Variants in ALPK1 observed in about 807,000 individuals in gnomAD.
ALPK1 encodes the protein alpha-protein kinase 1.
ALPK1 carries 110 observed loss-of-function variants against 120.6 expected under a neutral mutation model. That is an observed-to-expected ratio of 0.91 (90% CI 0.78 to 1.07). The LOEUF (loss-of-function observed/expected upper bound fraction) is 1.07, where lower values mean the gene tolerates loss of function less well. Ranked by LOEUF, ALPK1 falls within the 50% of genes least tolerant of loss-of-function variation. The pLI, the probability that ALPK1 is intolerant of heterozygous loss-of-function variation, is 0.00. For synonymous variants in ALPK1, 582 were observed against 560.3 expected (o/e 1.04, Z -0.55); for missense variants, 1,498 against 1,483.9 (o/e 1.01, Z -0.16).
chr4:112,352,517 C>T (rs1163825163), intron 2 of ALPK1: 1 of 152,220 alleles, frequency 6.6e-6, no homozygotes, highest in Non-Finnish European at 1.5e-5. Context: ...ATATAACCTA[C>T]ACATATTCTT....
chr4:112,414,241 A>T (rs1733628322), intron 5 of ALPK1: 1 of 485,148 alleles, frequency 2.1e-6, no homozygotes, highest in Non-Finnish European at 4.1e-6. Context: ...CATCTGATCC[A>T]GCGCTTCCTG....
At chr4:112,342,730 T>C (rs1209173691) in intron 2 of ALPK1, among the ~76,000 whole-genome samples, 1 of 152,212 alleles carries the variant, frequency 6.6e-6, no homozygotes, top group Non-Finnish European at 1.5e-5. Context: ...TTTCTATATG[T>C]CATGTACTTT....
chr4:112,352,438 G>T (rs910203111), intron 2 of ALPK1, among the ~76,000 whole-genome samples: 1 of 152,054 alleles, frequency 6.6e-6, no homozygotes, highest in Non-Finnish European at 1.5e-5. Flanking sequence ...TTGGTTCCAG[G>T]ATCTCCAGGA....
At chr4:112,336,694 G>C (rs954195529) in intron 2 of ALPK1, among the ~76,000 whole-genome samples, 12 of 152,100 alleles carry the variant, frequency 7.9e-5, no homozygotes, top group African/African-American at 2.7e-4. Context: ...GTCTTCTATA[G>C]TTATCTTTTT....
chr4:112,333,561 C>A (rs1729480039), intron 2 of ALPK1, among the ~76,000 whole-genome samples: 1 of 152,186 alleles, frequency 6.6e-6, no homozygotes, highest in Admixed American at 6.5e-5. Flanking sequence ...AGGTACCAGC[C>A]AACCAACTGA....
rs1372266951 is a variant in ALPK1, at chr4:112,435,284, A to T, written c.3171A>T (p.Gln1057His). The change falls in exon 12 of 16, where the codon CAA becomes CAT. Residue 1057 changes from glutamine to histidine, a missense_variant. By Grantham distance (24) the Gln-to-His change is conservative. Coordinates refer to ENST00000650871, the MANE Select transcript of ALPK1 (RefSeq NM_025144.4). ...RNAFWVHHLH[Q>H]EEILGRYVGK... ...CTTTTTGGGTTCATCATCTTCATCAAGAAGAAATTCTGGGGAGGTATTACT... is the reference window on the plus strand; with the variant it reads ...CTTTTTGGGTTCATCATCTTCATCATGAAGAAATTCTGGGGAGGTATTACT... The T allele has an allele frequency of 6.2e-7, 1 of 1,610,290 alleles. No individual in the cohort carries two copies. Among genetic ancestry groups the T allele is most frequent in the Non-Finnish European group, 8.5e-7 (1 of 1,179,104 alleles).
chr4:112,437,320 T>C (rs979555014), intron 12 of ALPK1, among the ~76,000 whole-genome samples: 2 of 152,094 alleles, frequency 1.3e-5, no homozygotes, highest in Non-Finnish European at 2.9e-5. Context: ...AAAATGACCA[T>C]GGCAGTTTAC....
At chr4:112,402,643 T>C (rs1445685417) in intron 4 of ALPK1, among the ~76,000 whole-genome samples, 1 of 152,180 alleles carries the variant, frequency 6.6e-6, no homozygotes, top group East Asian at 1.9e-4. Context: ...TCTGTGTACA[T>C]GTGTTTGTGA....
intron 1 of ALPK1, among the ~76,000 whole-genome samples, chr4:112,305,589 C>T (rs369961112): frequency 6.6e-6 from 1 of 151,894 alleles, no homozygotes; most frequent in African/African-American, 2.4e-5. Context: ...GTGATTTTTG[C>T]ACATTGATTT....
At chr4:112,364,626 T>C (rs918760326) in intron 2 of ALPK1, among the ~76,000 whole-genome samples, 2 of 152,074 alleles carry the variant, frequency 1.3e-5, no homozygotes, top group African/African-American at 4.8e-5. Flanking sequence ...CTATCAGACA[T>C]GCAAAGAAGA....
chr4:112,349,445 A>C (rs1560647689), intron 2 of ALPK1, among the ~76,000 whole-genome samples: 1 of 152,184 alleles, frequency 6.6e-6, no homozygotes, highest in Admixed American at 6.5e-5. Flanking sequence ...ATACCTATGA[A>C]GCACTCACTA....
At position 112,301,540 on chromosome 4, in the gene ALPK1, G is replaced by A. The variant is rs548766473; in HGVS notation, c.-153+4071G>A. Among the ~76,000 whole-genome samples, 5 of 152,112 alleles carry A rather than the reference G, an allele frequency of 3.3e-5. No homozygotes were observed. In the South Asian group the frequency reaches 1.0e-3, roughly 32 times the overall value. On this transcript the variant is annotated intron_variant, in intron 1 of 15. Coordinates refer to ENST00000650871, the MANE Select transcript of ALPK1 (RefSeq NM_025144.4). Reference sequence around the variant, plus strand: ...CTTTCTGCTCTTTCTAGCTCTCTGTGGGGTCTTCTTGGGGCACATCCCTTG... The same window carrying A: ...CTTTCTGCTCTTTCTAGCTCTCTGTAGGGTCTTCTTGGGGCACATCCCTTG...
chr4:112,417,704 T>G (rs1251342355), intron 5 of ALPK1, among the ~76,000 whole-genome samples: 2 of 152,194 alleles, frequency 1.3e-5, no homozygotes, highest in Admixed American at 1.3e-4. Flanking sequence ...CAGACTGGTC[T>G]TGAATTCCTG....
intron 2 of ALPK1, among the ~76,000 whole-genome samples, chr4:112,339,798 T>A (rs1265969140): frequency 2.0e-5 from 3 of 152,236 alleles, no homozygotes; most frequent in Non-Finnish European, 4.4e-5. Flanking sequence ...TGCAAAACTG[T>A]GACATCACTG....
At chr4:112,375,784 G>A (rs768652546) in intron 2 of ALPK1, among the ~76,000 whole-genome samples, 67 of 142,462 alleles carry the variant, frequency 4.7e-4, no homozygotes, top group Non-Finnish European at 1.7e-4. Flanking sequence ...TTGGCTGTTT[G>A]TCACAAGAGG....
chr4:112,441,063 T>G lies in ALPK1; in HGVS notation c.3685T>G (p.Cys1229Gly), dbSNP rs1439017908. Residue 1229 changes from cysteine (C) to glycine (G), a missense_variant, in exon 15 of 16, where the codon TGC (cysteine) becomes GGC (glycine). By Grantham distance (159) the Cys-to-Gly change is radical. Transcript: ENST00000650871. ...CCAGCATGTGGAATGTAATGAAATC[T>G]GCCATCGTCTTTCTTTGACTAGACC... is the stretch of plus-strand genomic sequence containing the variant. Reference protein sequence around the residue: ...NNQHVECNEICHRLSLTRPSM... With the variant: ...NNQHVECNEIGHRLSLTRPSM... The G allele has an allele frequency of 6.2e-7, 1 of 1,613,970 alleles. No individual in the cohort carries two copies. The highest frequency in any genetic ancestry group is 8.5e-7 in the Non-Finnish European group (1 of 1,179,866).
At chr4:112,391,953 T>A (rs1345699397) in intron 4 of ALPK1, among the ~76,000 whole-genome samples, 5 of 137,406 alleles carry the variant, frequency 3.6e-5, no homozygotes, top group Non-Finnish European at 7.7e-5. Context: ...GAAGGCAAAA[T>A]AAACCCCAGT....
Position 112,442,484 on chromosome 4 carries a change from G to C in ALPK1, c.*1274G>C, listed in dbSNP as rs1735075799. On this transcript the variant is annotated 3_prime_UTR_variant, in exon 16 of 16. Transcript: ENST00000650871. ...TATCAGAGGGTGGACAGTGGGAGGAGGGAGAGGATCAGGAAAAATAACTAA... is the reference window on the plus strand; with the variant it reads ...TATCAGAGGGTGGACAGTGGGAGGACGGAGAGGATCAGGAAAAATAACTAA... 6.6e-6 allele frequency: 1 copy of C among 152,084 alleles called. No individual in the cohort carries two copies. Among genetic ancestry groups the C allele is most frequent in the African/African-American group, 2.4e-5 (1 of 41,382 alleles). The allele number at this position is 152,084 out of a possible 1,614,324, so 9.4% of individuals were successfully genotyped here.
rs1224133700 is a variant in ALPK1 at position 112,441,446 on chromosome 4, C to T, written c.*236C>T. On this transcript the variant is annotated 3_prime_UTR_variant, in exon 16 of 16. Coordinates refer to ENST00000650871, the MANE Select transcript of ALPK1 (RefSeq NM_025144.4). ...ACATGGAAAACAGCCCCAACTCACCCATGAGGGATGAAAAGCACTCTTGAG... is the reference window on the plus strand; with the variant it reads ...ACATGGAAAACAGCCCCAACTCACCTATGAGGGATGAAAAGCACTCTTGAG... 5 of 577,480 alleles carry T rather than the reference C, an allele frequency of 8.7e-6. No homozygotes were observed. In the East Asian group the frequency reaches 1.1e-4, roughly 13 times the overall value. 35.8% of individuals were successfully genotyped at this position (577,480 alleles called of 1,614,324 possible).
Sources: allele counts gnomAD v4.1 joint callset (sites outside exome capture counted in the v4.1 genomes callset), GRCh38; gene constraint gnomAD v4.1.1; transcripts MANE v1.5; gene names NCBI Gene and HGNC (gene_info 2026-07-23, HGNC 2026-07-21).